Variants in PCDHA5 observed in about 807,000 individuals in gnomAD.
The protein encoded by PCDHA5 is protocadherin alpha-5.
In PCDHA5, 43 loss-of-function variants were observed where a neutral mutation model predicts 61.6. The observed-to-expected ratio is 0.70, with a 90% CI of 0.55 to 0.90. The LOEUF is 0.90. Ranked by LOEUF, PCDHA5 falls within the 40% of genes least tolerant of loss-of-function variation. The pLI is 0.00. For synonymous variants in PCDHA5, 627 were observed against 543.9 expected, an observed-to-expected ratio of 1.15 and a Z score of -2.13; for missense variants, 1,298 against 1,222.7, an observed-to-expected ratio of 1.06 and a Z score of -0.92.
intron 1 of PCDHA5, among the ~76,000 whole-genome samples, chr5:140,956,665 G>GCTTT (rs1273636843): frequency 1.3e-5 from 2 of 152,004 alleles, no homozygotes; most frequent in Non-Finnish European, 2.9e-5. Flanking sequence ...TGGCCTTAAA[G>GCTTT]GAGTTAGGGA....
intron 1 of PCDHA5, among the ~76,000 whole-genome samples, chr5:140,908,451 A>T (rs2073980523): frequency 6.6e-6 from 1 of 152,170 alleles, no homozygotes; most frequent in African/African-American, 2.4e-5. Context: ...TTATGGCTAG[A>T]TGGATCAGAA....
At chr5:140,971,435 T>A (rs1188604248) in intron 1 of PCDHA5, among the ~76,000 whole-genome samples, 1 of 152,190 alleles carries the variant, frequency 6.6e-6, no homozygotes, top group Non-Finnish European at 1.5e-5. Flanking sequence ...AACCCCAAGA[T>A]CTACAGCTCC....
At chr5:140,830,601 T>C (rs1349140277) in intron 1 of PCDHA5, 2 of 664,640 alleles carry the variant, frequency 3.0e-6, no homozygotes, top group African/African-American at 3.8e-5. Context: ...CAAAATTACA[T>C]ATTTTCATTT....
intron 1 of PCDHA5, among the ~76,000 whole-genome samples, chr5:140,935,149 T>C (rs1241997966): frequency 6.6e-6 from 1 of 152,192 alleles, no homozygotes; most frequent in Admixed American, 6.5e-5. Context: ...CTTAGAGATA[T>C]AATCTCAACA....
chr5:140,905,864 A>C (rs265313), intron 1 of PCDHA5, among the ~76,000 whole-genome samples: 7,097 of 152,260 alleles, frequency 0.047, 295 homozygotes, highest in African/African-American at 0.11. Context: ...AACTCACACA[A>C]TCACAAGGCC....
chr5:140,871,298 C>G (rs987284077), intron 1 of PCDHA5: 1 of 1,613,894 alleles, frequency 6.2e-7, no homozygotes, highest in Non-Finnish European at 8.5e-7. Flanking sequence ...GGCGCGTGCG[C>G]GCCGGGGAAG....
chr5:140,835,866 G>T (rs2150246890), intron 1 of PCDHA5: 3 of 1,612,132 alleles, frequency 1.9e-6, no homozygotes, highest in Admixed American at 3.3e-5. Context: ...CTACTCGCTG[G>T]TGGAGCTGCG....
At position 140,882,068 on chromosome 5, in the gene PCDHA5, C is replaced by A. The variant is rs1219461637; in HGVS notation, c.2352+57941C>A. 8.4e-6 allele frequency: 7 copies of A among 837,710 alleles called. No homozygotes were observed. The East Asian group carries it at 1.9e-4, about 22-fold the overall frequency. The allele number at this position is 837,710 out of a possible 1,614,324, so 51.9% of individuals were successfully genotyped here. On this transcript the variant is annotated intron_variant, in intron 1 of 3. Coordinates refer to ENST00000529859, the MANE Select transcript of PCDHA5 (RefSeq NM_018908.3). ...TCATACTTACACTTACACGTTCATG[C>A]GCATGGTGTCGCTCTTCACTGAGAA...
intron 1 of PCDHA5, chr5:140,869,752 G>C (rs1398153775): frequency 1.4e-5 from 22 of 1,613,136 alleles, no homozygotes; most frequent in Middle Eastern, 1.6e-4. Context: ...AGCTACAGAC[G>C]GGGGAAAACC....
At chr5:140,871,249 C>T (rs782675743) in intron 1 of PCDHA5, 1 of 1,613,984 alleles carries the variant, frequency 6.2e-7, no homozygotes, top group Non-Finnish European at 8.5e-7. Context: ...CACGCTGCTG[C>T]TGTATACGGC....
At chr5:141,001,653 G>A (rs2098030504) in intron 3 of PCDHA5, among the ~76,000 whole-genome samples, 1 of 152,182 alleles carries the variant, frequency 6.6e-6, no homozygotes, top group African/African-American at 2.4e-5. Context: ...TGTGGGAGAA[G>A]GCGGAGCTTG....
chr5:140,865,075 C>T (rs1441744566), intron 1 of PCDHA5: 2 of 152,110 alleles, frequency 1.3e-5, no homozygotes, highest in African/African-American at 4.8e-5. Flanking sequence ...AGTATAAGAA[C>T]CATGGGATAT....
intron 3 of PCDHA5, among the ~76,000 whole-genome samples, chr5:141,000,895 T>C (rs896500322): frequency 5.3e-5 from 8 of 152,072 alleles, no homozygotes; most frequent in Non-Finnish European, 1.2e-4. Context: ...GCAACAGATA[T>C]AGACGCTGTC....
In PCDHA5 at chr5:140,852,849, T is replaced by G. The variant is rs1421796229; in HGVS notation, c.2352+28722T>G. Reference sequence around the variant, plus strand: ...CAGTCTCCTTAGAGCTAGTACTTACTAAGCATTTACTATGTCATCAATAAT... The same window carrying G: ...CAGTCTCCTTAGAGCTAGTACTTACGAAGCATTTACTATGTCATCAATAAT... On this transcript the variant is annotated intron_variant, in intron 1 of 3. Transcript: ENST00000529859. 3.1e-6 allele frequency: 3 copies of G among 967,454 alleles called. 1 individual carries two copies. Among genetic ancestry groups the G allele is most frequent in the East Asian group, 1.1e-4 (1 of 8,764 alleles). 59.9% of individuals were successfully genotyped at this position (967,454 alleles called of 1,614,324 possible).
chr5:140,957,968 T>C (rs1276763203), intron 1 of PCDHA5, among the ~76,000 whole-genome samples: 1 of 152,154 alleles, frequency 6.6e-6, no homozygotes, highest in Non-Finnish European at 1.5e-5. Flanking sequence ...TCAGAGATGC[T>C]GTATAAATAG....
rs782510264 is a variant in PCDHA5, at chr5:140,863,385, G to A, written c.2352+39258G>A. 4 of 1,030,862 alleles carry A rather than the reference G, an allele frequency of 3.9e-6. No homozygotes were observed. In the South Asian group the frequency reaches 4.9e-5, roughly 13 times the overall value. The allele number at this position is 1,030,862 out of a possible 1,614,324, so 63.9% of individuals were successfully genotyped here. ...GCTTGGCGCAGCTCACCGAGAGCTC[G>A]TGCATGCCGGGCAAGCCCACGCTGG... On this transcript the variant is annotated intron_variant, in intron 1 of 3. Transcript: ENST00000529859.
chr5:140,945,322 T>C (rs1311724084), intron 1 of PCDHA5, among the ~76,000 whole-genome samples: 9 of 152,096 alleles, frequency 5.9e-5, no homozygotes, highest in Admixed American at 5.2e-4. Context: ...AATGGAAATA[T>C]ATTTTATGTT....
chr5:140,952,334 A>G (rs1585456390), intron 1 of PCDHA5, among the ~76,000 whole-genome samples: 1 of 103,312 alleles, frequency 9.7e-6, no homozygotes, highest in East Asian at 2.9e-4. Context: ...GTGAAACTCC[A>G]TCTCAAAAAA....
chr5:140,887,247 C>T (rs1302931456), intron 1 of PCDHA5, among the ~76,000 whole-genome samples: 1 of 152,016 alleles, frequency 6.6e-6, no homozygotes, highest in Non-Finnish European at 1.5e-5. Context: ...CCGGCGCCCG[C>T]CACCACGCCC....
Sources: gnomAD v4.1 joint callset for allele counts (sites outside exome capture counted in the v4.1 genomes callset) on GRCh38, gnomAD v4.1.1 for gene constraint, MANE v1.5 for transcripts, NCBI Gene and HGNC (gene_info 2026-07-23, HGNC 2026-07-21) for gene names.